Variants in MDGA1 observed in about 807,000 individuals in gnomAD.
The protein encoded by MDGA1 is MAM domain-containing glycosylphosphatidylinositol anchor protein 1.
A neutral mutation model predicts 101.5 loss-of-function variants in MDGA1; 54 were observed. The ratio of observed to expected loss-of-function variants is 0.53; its 90% CI spans 0.43 to 0.67. The LOEUF is 0.67. MDGA1 is among the 30% of genes least tolerant of loss of function. The pLI is 0.00. For synonymous variants in MDGA1, 533 were observed against 558.3 expected (o/e 0.95, Z 0.64); for missense variants, 1,083 against 1,323.8 (o/e 0.82, Z 2.82).
chr6:37,646,007 C>CA, intron 11 of MDGA1, 51 bp from the exon 12 acceptor site: 1 of 1,613,322 alleles, frequency 6.2e-7, no homozygotes, highest in Non-Finnish European at 8.5e-7. Flanking sequence ...TGGGGCTCTG[C>CA]AGAGGATACC....
chr6:37,642,330 C>T lies in MDGA1; in HGVS notation c.2536+1479G>A, dbSNP rs60759888. On this transcript the variant is annotated intron_variant, in intron 14 of 16. Transcript: ENST00000434837. ...TTACAGGCACCTGCCATCACGTGAGCCTGGCTAATTTTTGTATTTTTAGTA... is the reference window on the plus strand; with the variant it reads ...TTACAGGCACCTGCCATCACGTGAGTCTGGCTAATTTTTGTATTTTTAGTA... Among the ~76,000 whole-genome samples the T allele has an allele frequency of 3.3e-3, 498 of 151,868 alleles. 4 individuals are homozygous for T. The highest frequency in any genetic ancestry group is 0.012 in the African/African-American group (477 of 41,396).
rs201341664 is a variant in MDGA1, at chr6:37,636,158, T to TC, written c.*1209dup. 1,185 of 156,190 alleles carry TC rather than the reference T, an allele frequency of 7.6e-3. 13 individuals carry two copies. The highest frequency in any genetic ancestry group is 0.024 in the African/African-American group (987 of 41,738). 9.7% of individuals were successfully genotyped at this position (156,190 alleles called of 1,614,324 possible). ...TGATGTCAAGGAGGAAAGATCTAGA[T>TC]CCCATCATGTCAATCTCAGGTGCCT... On this transcript the variant is annotated 3_prime_UTR_variant, in exon 17 of 17. Coordinates refer to ENST00000434837, the MANE Select transcript of MDGA1 (RefSeq NM_153487.4).
At chr6:37,657,987 C>CA (rs1761529987) in intron 3 of MDGA1, among the ~76,000 whole-genome samples, 1 of 152,230 alleles carries the variant, frequency 6.6e-6, no homozygotes, top group African/African-American at 2.4e-5. Context: ...TTCTCATCTG[C>CA]AGAAGGAGTG....
intron 8 of MDGA1, 22 bp downstream of exon 8, chr6:37,650,087 C>G: frequency 6.2e-7 from 1 of 1,611,038 alleles, no homozygotes; most frequent in Non-Finnish European, 8.5e-7. Flanking sequence ...GGAAGGTAGT[C>G]CGGGTGGCGT....
chr6:37,679,446 T>C (rs1028697766), intron 1 of MDGA1, among the ~76,000 whole-genome samples: 1 of 152,122 alleles, frequency 6.6e-6, no homozygotes, highest in Non-Finnish European at 1.5e-5. Context: ...CCAAGCCCTG[T>C]ACAGTAGCTA....
At chr6:37,662,079 C>G (rs1380745466) in intron 2 of MDGA1, among the ~76,000 whole-genome samples, 1 of 150,932 alleles carries the variant, frequency 6.6e-6, no homozygotes, top group Non-Finnish European at 1.5e-5. Flanking sequence ...GGAAGGATTG[C>G]TTGAGCCCAG....
intron 8 of MDGA1, chr6:37,649,870 A>C (rs1272169881): frequency 4.7e-6 from 3 of 635,356 alleles, no homozygotes; most frequent in Non-Finnish European, 8.6e-6. Context: ...AAATCAAGTA[A>C]TTTTTTTTTT....
chr6:37,650,377 A>C lies in MDGA1; in HGVS notation c.1341T>G (p.Gly447=), dbSNP rs1761332542. 6.4e-6 allele frequency: 10 copies of C among 1,560,256 alleles called. No individual in the cohort carries two copies. The highest frequency in any genetic ancestry group is 1.4e-5 in the African/African-American group (1 of 73,970). ...CCTCGCGCACGGTCACCACGGCCCTACCCTTGGGCACACTGATGGTGGGCG... is the reference window on the plus strand; with the variant it reads ...CCTCGCGCACGGTCACCACGGCCCTCCCCTTGGGCACACTGATGGTGGGCG... The part of the protein sequence containing the change: ...TVPPTISVPK[G]RAVVTVREGS... Residue 447 remains glycine (G), a synonymous_variant, in exon 8 of 17, where the codon GGT becomes GGG. Transcript: ENST00000434837.
At chr6:37,676,932 A>G (rs1048797275) in intron 1 of MDGA1, among the ~76,000 whole-genome samples, 12 of 151,468 alleles carry the variant, frequency 7.9e-5, no homozygotes, top group Non-Finnish European at 1.6e-4. Flanking sequence ...AAAAGCAACC[A>G]AACCTGCAAG....
In MDGA1 at chr6:37,680,281, C is replaced by G. The variant is rs574437094; in HGVS notation, c.68-16175G>C. Among the ~76,000 whole-genome samples the G allele has an allele frequency of 1.1e-4, 16 of 152,330 alleles. No homozygotes were observed. In the South Asian group the frequency reaches 2.1e-3, roughly 20 times the overall value. ...GAGGCCTGTGCCCTGATGGGGAGGG[C>G]AAGGTGGGGCCAAAAGAAGCAATCG... On this transcript the variant is annotated intron_variant, in intron 1 of 16. Coordinates refer to ENST00000434837, the MANE Select transcript of MDGA1 (RefSeq NM_153487.4).
chr6:37,666,822 A>C (rs560156098), intron 1 of MDGA1, among the ~76,000 whole-genome samples: 92 of 152,356 alleles, frequency 6.0e-4, no homozygotes, highest in Non-Finnish European at 1.1e-3. Context: ...AGAGGGGTCC[A>C]TGGAAAAGGT....
At chr6:37,693,262 C>A (rs1334014823) in intron 1 of MDGA1, among the ~76,000 whole-genome samples, 6 of 152,186 alleles carry the variant, frequency 3.9e-5, no homozygotes, top group Non-Finnish European at 7.3e-5. Flanking sequence ...CAGATCAACA[C>A]CCGGGAGATG....
At chr6:37,686,437 T>A (rs1350489646) in intron 1 of MDGA1, among the ~76,000 whole-genome samples, 1 of 151,636 alleles carries the variant, frequency 6.6e-6, no homozygotes, top group Non-Finnish European at 1.5e-5. Context: ...CTGGGCTTTT[T>A]TTTTTTGAGA....
Position 37,644,426 on chromosome 6 carries a change from T to C in MDGA1, c.2401+71A>G, listed in dbSNP as rs138086509. On this transcript the variant is annotated intron_variant, in intron 13 of 16. Transcript: ENST00000434837. ...TGGAGCCGTCTCCCTTCATCCCCAG[T>C]CTGGGGTGCCCTGGGCCTAGACACC... 2.7e-3 allele frequency: 3,775 copies of C among 1,407,064 alleles called. 7 individuals carry two copies. Among genetic ancestry groups the C allele is most frequent in the Non-Finnish European group, 3.2e-3 (3,418 of 1,069,026 alleles). The allele number at this position is 1,407,064 out of a possible 1,614,324, so 87.2% of individuals were successfully genotyped here. A position where few individuals can be genotyped will look rare whatever the true frequency, so the allele number is the denominator to read the frequency against.
intron 1 of MDGA1, among the ~76,000 whole-genome samples, chr6:37,684,217 A>C (rs1197048628): frequency 2.0e-5 from 3 of 152,242 alleles, no homozygotes; most frequent in Non-Finnish European, 4.4e-5. Flanking sequence ...ACTTGTAGGC[A>C]GTGTGACAAG....
intron 1 of MDGA1, among the ~76,000 whole-genome samples, chr6:37,664,600 TACACACACACACACACAC>T (rs61046567): frequency 8.5e-6 from 1 of 118,140 alleles, no homozygotes; most frequent in African/African-American, 3.3e-5. Flanking sequence ...TCCCCCACAA[TACACACACACACACACAC>T]ACACACACAC....
In MDGA1 at chr6:37,658,179, C is replaced by T. The variant is rs1761534282; in HGVS notation, c.382+66G>A. 30 of 1,459,266 alleles carry T rather than the reference C, an allele frequency of 2.1e-5. No homozygotes were observed. In the South Asian group the frequency reaches 3.6e-4, roughly 18 times the overall value. 90.4% of individuals were successfully genotyped at this position (1,459,266 alleles called of 1,614,324 possible). A position where few individuals can be genotyped will look rare whatever the true frequency, so the allele number is the denominator to read the frequency against. ...TGCCCACTTCCCCACCTCACCTCAT[C>T]CCTGGGGCGCCCTCTGGCCCGGGCT... On this transcript the variant is annotated intron_variant, in intron 3 of 16. Coordinates refer to ENST00000434837, the MANE Select transcript of MDGA1 (RefSeq NM_153487.4).
chr6:37,634,865 C>T lies in MDGA1; in HGVS notation c.*2503G>A, dbSNP rs1293928429. 6.6e-6 allele frequency: 1 copy of T among 152,292 alleles called. No individual in the cohort carries two copies. Among genetic ancestry groups the T allele is most frequent in the Non-Finnish European group, 1.5e-5 (1 of 68,088 alleles). The allele number at this position is 152,292 out of a possible 1,614,324, so 9.4% of individuals were successfully genotyped here. A position where few individuals can be genotyped will look rare whatever the true frequency, so the allele number is the denominator to read the frequency against. On this transcript the variant is annotated 3_prime_UTR_variant, in exon 17 of 17. Transcript: ENST00000434837. This position sits in a 1 kb window ranked among gnomAD's most constrained non-coding sequence, Gnocchi z 4.7. ...ATGTACTGAGCACCTTTACTGTCCA[C>T]TCTATGGATCCTGAGGGGAACAAGG...
rs752050294 is a variant in MDGA1, at chr6:37,652,192, C to T, written c.1131G>A (p.Pro377=). 1.6e-5 allele frequency: 26 copies of T among 1,613,914 alleles called. No individual in the cohort carries two copies. The highest frequency in any genetic ancestry group is 5.0e-5 in the Admixed American group (3 of 60,004). ...CCAGCAGCCGCTTGGACATGCGTGC[C>T]GGCTTGCCATTCTTGAACCACTGGT... ...VTYQWFKNGK[P]ARMSKRLLVT... The change falls in exon 7 of 17, where the codon CCG becomes CCA. Residue 377 remains proline, a synonymous_variant. Transcript: ENST00000434837. This position sits in a 1 kb window ranked among gnomAD's most constrained non-coding sequence, Gnocchi z 4.3.
Sources: allele counts gnomAD v4.1 joint callset (sites outside exome capture counted in the v4.1 genomes callset), GRCh38; gene constraint gnomAD v4.1.1; non-coding constraint Gnocchi (gnomAD v3.1); transcripts MANE v1.5; gene names NCBI Gene and HGNC (gene_info 2026-07-23, HGNC 2026-07-21).